RAB38: variants seen among roughly 807,000 people sequenced by gnomAD.
RAB38 encodes the protein RAB38, member RAS oncogene family.
In RAB38, 15 loss-of-function variants were observed where a neutral mutation model predicts 18.4. That is an observed-to-expected ratio of 0.82 (90% CI 0.55 to 1.26). RAB38 has a LOEUF of 1.26. Among genes scored for constraint, RAB38 ranks in the 50% most tolerant of loss-of-function variants. The pLI is 0.00. For synonymous variants in RAB38, 101 were observed against 104.4 expected (o/e 0.97, Z 0.20); for missense variants, 294 against 267.4 (o/e 1.10, Z -0.69).
intron 2 of RAB38, among the ~76,000 whole-genome samples, chr11:88,125,919 C>T (rs1942689498): frequency 6.6e-6 from 1 of 152,208 alleles, no homozygotes; most frequent in Non-Finnish European, 1.5e-5. Context: ...GATCCAGTTT[C>T]ATCTTTCTAC....
chr11:87,972,455 G>A, the RAB38 span, among the ~76,000 whole-genome samples: 2 of 152,110 alleles, frequency 1.3e-5, no homozygotes, highest in East Asian at 1.9e-4. Context: ...TATTTGGTAC[G>A]ATAGAGACTA....
the RAB38 span, among the ~76,000 whole-genome samples, chr11:87,954,082 T>C: frequency 2.6e-5 from 4 of 152,274 alleles, no homozygotes; most frequent in South Asian, 2.1e-4. Flanking sequence ...GTGGCCATGT[T>C]CATGTAAATG....
rs181548254 is a variant in RAB38, at chr11:88,138,240, C to T, written c.483+11435G>A. 3.1e-3 allele frequency among the ~76,000 whole-genome samples: 467 copies of T among 152,202 alleles called. 2 individuals are homozygous for T. Among genetic ancestry groups the T allele is most frequent in the African/African-American group, 0.01 (425 of 41,538 alleles). On this transcript the variant is annotated intron_variant, in intron 2 of 2. Coordinates refer to ENST00000243662, the MANE Select transcript of RAB38 (RefSeq NM_022337.3). Reference sequence around the variant, plus strand: ...ACAAAACTAGTCTCAACAGAATAAACACTATAATGGAAATTTTTTAAAACA... The same window carrying T: ...ACAAAACTAGTCTCAACAGAATAAATACTATAATGGAAATTTTTTAAAACA...
chr11:87,925,769 C>T, the RAB38 span, among the ~76,000 whole-genome samples: 1 of 151,844 alleles, frequency 6.6e-6, no homozygotes, highest in East Asian at 1.9e-4. Context: ...TGAAGTTATC[C>T]AATTATAGGA....
the RAB38 span, among the ~76,000 whole-genome samples, chr11:87,820,920 T>G: frequency 6.6e-6 from 1 of 152,132 alleles, no homozygotes; most frequent in African/African-American, 2.4e-5. Flanking sequence ...TAGAATATGG[T>G]TCTAAAGAAA....
the RAB38 span, among the ~76,000 whole-genome samples, chr11:87,851,722 C>T: frequency 6.6e-6 from 1 of 152,130 alleles, no homozygotes; most frequent in Non-Finnish European, 1.5e-5. Flanking sequence ...TAAGATTAAA[C>T]CCTGCCATGT....
the RAB38 span, among the ~76,000 whole-genome samples, chr11:87,834,577 A>T: frequency 6.6e-6 from 1 of 152,202 alleles, no homozygotes; most frequent in African/African-American, 2.4e-5. Context: ...AGGATTGAGA[A>T]ACTTGGATGT....
At chr11:88,125,892 A>T (rs931600055) in intron 2 of RAB38, among the ~76,000 whole-genome samples, 3 of 152,172 alleles carry the variant, frequency 2.0e-5, no homozygotes, top group African/African-American at 7.2e-5. Flanking sequence ...TAATTTTTGT[A>T]TAAGGTGTAA....
chr11:88,116,277 G>A (rs952272179), intron 2 of RAB38, among the ~76,000 whole-genome samples: 3 of 152,144 alleles, frequency 2.0e-5, no homozygotes, highest in Non-Finnish European at 2.9e-5. Flanking sequence ...AGGTAAAAAG[G>A]GGTCTCCTCG....
At chr11:87,915,043 A>G in the RAB38 span, among the ~76,000 whole-genome samples, 1 of 152,156 alleles carries the variant, frequency 6.6e-6, no homozygotes, top group Non-Finnish European at 1.5e-5. Context: ...CACTACAGAG[A>G]ATCCCCACTA....
At chr11:87,930,112 T>C in the RAB38 span, among the ~76,000 whole-genome samples, 2 of 152,204 alleles carry the variant, frequency 1.3e-5, no homozygotes, top group Admixed American at 6.5e-5. Flanking sequence ...ATGGTATTTC[T>C]AGTTCTAGAT....
chr11:87,901,658 G>A, the RAB38 span, among the ~76,000 whole-genome samples: 3 of 151,600 alleles, frequency 2.0e-5, no homozygotes, highest in East Asian at 3.9e-4. Context: ...TTCTAAGCCA[G>A]GAGCAAATCC....
chr11:87,911,197 G>T, the RAB38 span, among the ~76,000 whole-genome samples: 1 of 151,956 alleles, frequency 6.6e-6, no homozygotes, highest in Non-Finnish European at 1.5e-5. Flanking sequence ...TTAAAAGTTG[G>T]TTGGTGAATT....
the RAB38 span, among the ~76,000 whole-genome samples, chr11:88,092,070 C>T: frequency 6.6e-6 from 1 of 151,824 alleles, no homozygotes; most frequent in Non-Finnish European, 1.5e-5. Flanking sequence ...CTGTTGGGAA[C>T]ATCGTATGGC....
intron 2 of RAB38, among the ~76,000 whole-genome samples, chr11:88,132,678 T>A (rs1430232677): frequency 6.6e-6 from 1 of 152,104 alleles, no homozygotes; most frequent in Non-Finnish European, 1.5e-5. Context: ...AGACTGGTCT[T>A]CAACTCCTGA....
At chr11:88,106,163 T>C in the RAB38 span, among the ~76,000 whole-genome samples, 1 of 150,024 alleles carries the variant, frequency 6.7e-6, no homozygotes, top group Non-Finnish European at 1.5e-5. Flanking sequence ...ATTTCTGGTT[T>C]CCATGGCAAC....
At chr11:87,821,795 G>A in the RAB38 span, among the ~76,000 whole-genome samples, 593 of 150,798 alleles carry the variant, frequency 3.9e-3, 5 homozygotes, top group African/African-American at 0.014. Flanking sequence ...AGATTGCAGT[G>A]AGCCGAGATC....
chr11:88,033,990 G>A, the RAB38 span, among the ~76,000 whole-genome samples: 2 of 152,144 alleles, frequency 1.3e-5, no homozygotes, highest in Non-Finnish European at 2.9e-5. Flanking sequence ...GCCTCCCAAA[G>A]TGCTGGGATT....
chr11:87,885,547 C>T, the RAB38 span, among the ~76,000 whole-genome samples: 3 of 152,006 alleles, frequency 2.0e-5, no homozygotes, highest in Admixed American at 6.6e-5. Flanking sequence ...CAATGCCTGA[C>T]ACTGGAACCC....
Sources: allele counts gnomAD v4.1 joint callset (sites outside exome capture counted in the v4.1 genomes callset), GRCh38; gene constraint gnomAD v4.1.1; transcripts MANE v1.5; gene names NCBI Gene and HGNC (gene_info 2026-07-23, HGNC 2026-07-21).